ROBO1: variants seen among roughly 807,000 people sequenced by gnomAD.
The protein encoded by ROBO1 is roundabout guidance receptor 1.
In ROBO1, 149 loss-of-function variants were observed where a neutral mutation model predicts 195.9. That is an observed-to-expected ratio of 0.76 (90% CI 0.67 to 0.87). The LOEUF (loss-of-function observed/expected upper bound fraction) is 0.87, where lower values mean the gene tolerates loss of function less well. Among genes scored for constraint, ROBO1 ranks in the 40% least tolerant of loss-of-function variants. The pLI, the probability that ROBO1 is intolerant of heterozygous loss-of-function variation, is 0.00. For synonymous variants in ROBO1, 816 were observed against 733.2 expected, an observed-to-expected ratio of 1.11 and a Z score of -1.82; for missense variants, 1,933 against 2,068.3, an observed-to-expected ratio of 0.93 and a Z score of 1.27.
chr3:78,712,608 T>C (rs1035222884), intron 8 of ROBO1, among the ~76,000 whole-genome samples: 1 of 152,170 alleles, frequency 6.6e-6, no homozygotes, highest in Non-Finnish European at 1.5e-5. Flanking sequence ...GAATAATATA[T>C]CCTCAACTAT....
At chr3:79,279,297 AAAC>A (rs980497202) in intron 2 of ROBO1, among the ~76,000 whole-genome samples, 22 of 152,002 alleles carry the variant, frequency 1.4e-4, no homozygotes, top group African/African-American at 4.1e-4. Context: ...AAAAAAACAA[AAAC>A]AACAACAAAA....
chr3:78,773,885 G>A (rs1222361668), intron 4 of ROBO1, among the ~76,000 whole-genome samples: 2 of 152,176 alleles, frequency 1.3e-5, no homozygotes, highest in African/African-American at 4.8e-5. Context: ...TTGCATTCAA[G>A]TAGCTCTACT....
intron 2 of ROBO1, among the ~76,000 whole-genome samples, chr3:79,520,671 A>G (rs1941170305): frequency 1.3e-5 from 2 of 152,318 alleles, no homozygotes; most frequent in South Asian, 2.1e-4. Flanking sequence ...AATGCAAACT[A>G]TAACAGAGAT....
At chr3:78,922,749 A>G (rs969485633) in intron 4 of ROBO1, among the ~76,000 whole-genome samples, 2 of 151,530 alleles carry the variant, frequency 1.3e-5, no homozygotes, top group African/African-American at 4.8e-5. Flanking sequence ...AGCTGGAATT[A>G]CAGGCATGCA....
intron 2 of ROBO1, among the ~76,000 whole-genome samples, chr3:79,463,726 G>A (rs1324404021): frequency 6.6e-6 from 1 of 152,188 alleles, no homozygotes; most frequent in Admixed American, 6.5e-5. Flanking sequence ...TAGTTGAACT[G>A]ATGGTTGTCT....
At chr3:78,922,205 T>G (rs572453517) in intron 4 of ROBO1, among the ~76,000 whole-genome samples, 3 of 152,246 alleles carry the variant, frequency 2.0e-5, no homozygotes, top group South Asian at 2.1e-4. Flanking sequence ...CTCTTCCAAT[T>G]TGAAGACCAA....
At chr3:79,045,950 A>T (rs2108348882) in intron 3 of ROBO1, among the ~76,000 whole-genome samples, 1 of 152,302 alleles carries the variant, frequency 6.6e-6, no homozygotes, top group East Asian at 1.9e-4. Context: ...ACTTAAAGTC[A>T]GCATTTCTTC....
At chr3:79,357,618 C>T (rs2035607783) in intron 2 of ROBO1, among the ~76,000 whole-genome samples, 1 of 152,132 alleles carries the variant, frequency 6.6e-6, no homozygotes, top group Non-Finnish European at 1.5e-5. Context: ...CATGTTTCAA[C>T]TGAACTGGAT....
chr3:78,797,365 C>T (rs1334489860), intron 4 of ROBO1, among the ~76,000 whole-genome samples: 1 of 152,126 alleles, frequency 6.6e-6, no homozygotes, highest in East Asian at 1.9e-4. Context: ...ATTAGTCCTC[C>T]TTTATCTTCA....
intron 4 of ROBO1, among the ~76,000 whole-genome samples, chr3:78,806,228 C>T (rs1307022486): frequency 6.6e-6 from 1 of 152,120 alleles, no homozygotes; most frequent in Admixed American, 6.6e-5. Flanking sequence ...CCCCCTTGAG[C>T]CTCCCACAGT....
intron 2 of ROBO1, among the ~76,000 whole-genome samples, chr3:79,395,649 G>C (rs1390729914): frequency 1.3e-5 from 2 of 152,020 alleles, no homozygotes; most frequent in East Asian, 3.9e-4. Context: ...GTATCCTACG[G>C]ATACACATAT....
chr3:79,534,745 A>G (rs556152043), intron 2 of ROBO1, among the ~76,000 whole-genome samples: 1 of 152,178 alleles, frequency 6.6e-6, no homozygotes, highest in Admixed American at 6.6e-5. Flanking sequence ...CTATTGGCAG[A>G]TTTATTAAGG....
chr3:79,013,195 T>C (rs1250789013), intron 3 of ROBO1, among the ~76,000 whole-genome samples: 4 of 152,118 alleles, frequency 2.6e-5, no homozygotes, highest in Non-Finnish European at 5.9e-5. Context: ...GGCTCTTCAG[T>C]GAGGAGTACC....
intron 4 of ROBO1, among the ~76,000 whole-genome samples, chr3:78,904,781 T>C (rs1413619259): frequency 2.0e-5 from 3 of 151,238 alleles, no homozygotes; most frequent in Non-Finnish European, 4.4e-5. Context: ...TAGGTATATA[T>C]GTATACATTT....
chr3:79,613,667 C>T (rs1028384759), intron 1 of ROBO1, among the ~76,000 whole-genome samples: 1 of 152,068 alleles, frequency 6.6e-6, no homozygotes, highest in Non-Finnish European at 1.5e-5. Flanking sequence ...CACAATATCA[C>T]TTGTAATACT....
chr3:79,230,960 G>A (rs997883424), intron 2 of ROBO1, among the ~76,000 whole-genome samples: 4 of 152,066 alleles, frequency 2.6e-5, no homozygotes, highest in African/African-American at 9.7e-5. Context: ...ACAAAAACAA[G>A]CAATGGGGAA....
chr3:79,313,186 CAA>C (rs61113124), intron 2 of ROBO1, among the ~76,000 whole-genome samples: 135 of 90,004 alleles, frequency 1.5e-3, no homozygotes, highest in African/African-American at 4.7e-3. Flanking sequence ...GACTCCATCT[CAA>C]AAAAAAAAAA....
chr3:79,043,720 T>C lies in ROBO1; in HGVS notation c.172+81736A>G, dbSNP rs559956402. On this transcript the variant is annotated intron_variant, in intron 3 of 30. Transcript: ENST00000464233. ...GTCAAACTAAGTTGATAACACATGT[T>C]AAGTATAGAAATGTATACAGCAACC... Among the ~76,000 whole-genome samples, 352 of 152,214 alleles carry C rather than the reference T, an allele frequency of 2.3e-3. 1 individual carries two copies. The highest frequency in any genetic ancestry group is 3.4e-3 in the Non-Finnish European group (234 of 68,000).
chr3:79,468,205 T>C (rs1474348347), intron 2 of ROBO1, among the ~76,000 whole-genome samples: 2 of 152,246 alleles, frequency 1.3e-5, no homozygotes, highest in African/African-American at 4.8e-5. Flanking sequence ...ATTTCATTCA[T>C]TGTCATAGCC....
Sources: allele counts gnomAD v4.1 joint callset (sites outside exome capture counted in the v4.1 genomes callset), GRCh38; gene constraint gnomAD v4.1.1; transcripts MANE v1.5; gene names NCBI Gene and HGNC (gene_info 2026-07-23, HGNC 2026-07-21).